The following INPP4B variants were observed in gnomAD, a reference collection of about 807,000 sequenced individuals.
INPP4B encodes inositol polyphosphate-4-phosphatase type II B, also known as inositol polyphosphate 4-phosphatase type II.
INPP4B carries 55 observed loss-of-function variants against 122.5 expected under a neutral mutation model. That is an observed-to-expected ratio of 0.45 (90% CI 0.36 to 0.56). The LOEUF (loss-of-function observed/expected upper bound fraction) is 0.56, where lower values mean the gene tolerates loss of function less well. Among genes scored for constraint, INPP4B ranks in the 20% least tolerant of loss-of-function variants. INPP4B has a pLI of 0.00. For synonymous variants in INPP4B, 403 were observed against 388.7 expected, an observed-to-expected ratio of 1.04 and a Z score of -0.43; for missense variants, 1,000 against 1,097.7, an observed-to-expected ratio of 0.91 and a Z score of 1.26.
At chr4:142,108,795 G>C (rs1039539261) in intron 22 of INPP4B, among the ~76,000 whole-genome samples, 2 of 152,102 alleles carry the variant, frequency 1.3e-5, no homozygotes, top group Admixed American at 1.3e-4. Flanking sequence ...CTGTCTACCA[G>C]TGTGTCACTA....
intron 23 of INPP4B, among the ~76,000 whole-genome samples, chr4:142,098,904 G>A (rs1783264569): frequency 6.6e-6 from 1 of 152,044 alleles, no homozygotes; most frequent in South Asian, 2.1e-4. Flanking sequence ...AGACATGCAT[G>A]GACTGAATCC....
At chr4:142,814,414 G>A (rs531953892) in intron 1 of INPP4B, among the ~76,000 whole-genome samples, 3 of 152,182 alleles carry the variant, frequency 2.0e-5, no homozygotes, top group Middle Eastern at 3.4e-3. Context: ...TCTTGAGACA[G>A]TATAAATTAA....
chr4:142,254,991 C>T (rs1167575843), intron 11 of INPP4B, among the ~76,000 whole-genome samples: 1 of 152,164 alleles, frequency 6.6e-6, no homozygotes, highest in East Asian at 1.9e-4. Context: ...GCCCATCAGA[C>T]TAACAGCGGC....
At chr4:142,393,935 C>T (rs1428573707) in intron 7 of INPP4B, among the ~76,000 whole-genome samples, 1 of 152,242 alleles carries the variant, frequency 6.6e-6, no homozygotes, top group Non-Finnish European at 1.5e-5. Flanking sequence ...GATTCTGAAT[C>T]TTTCATTGCT....
chr4:142,686,004 G>A (rs1057007334), intron 2 of INPP4B, among the ~76,000 whole-genome samples: 4 of 151,984 alleles, frequency 2.6e-5, no homozygotes, highest in East Asian at 1.9e-4. Flanking sequence ...CAGAAGCCTC[G>A]CTTTGAATTC....
At chr4:142,299,325 C>T (rs969927570) in intron 9 of INPP4B, among the ~76,000 whole-genome samples, 2 of 150,458 alleles carry the variant, frequency 1.3e-5, no homozygotes, top group African/African-American at 5.0e-5. Context: ...TCACACCCAG[C>T]TAATTTTTGT....
At chr4:142,735,462 T>C (rs1003202812) in intron 1 of INPP4B, among the ~76,000 whole-genome samples, 2 of 152,204 alleles carry the variant, frequency 1.3e-5, no homozygotes, top group Admixed American at 1.3e-4. Context: ...TGTTCTAAGT[T>C]ACTGTCTTGC....
At chr4:142,773,883 G>A (rs946613060) in intron 1 of INPP4B, among the ~76,000 whole-genome samples, 14 of 152,150 alleles carry the variant, frequency 9.2e-5, no homozygotes, top group African/African-American at 1.9e-4. Flanking sequence ...TGTTCCCATG[G>A]ATAACAGTAG....
At chr4:142,744,272 G>A (rs1325635246) in intron 1 of INPP4B, among the ~76,000 whole-genome samples, 1 of 151,792 alleles carries the variant, frequency 6.6e-6, no homozygotes, top group African/African-American at 2.4e-5. Flanking sequence ...GCAATCTGAA[G>A]GATAAAGGCA....
chr4:142,399,424 T>A (rs557171615), intron 7 of INPP4B, among the ~76,000 whole-genome samples: 35 of 152,116 alleles, frequency 2.3e-4, no homozygotes, highest in African/African-American at 8.2e-4. Flanking sequence ...CTCAATCTCT[T>A]GACCTCATGA....
intron 7 of INPP4B, among the ~76,000 whole-genome samples, chr4:142,345,568 C>T (rs1279976781): frequency 6.6e-6 from 1 of 151,956 alleles, no homozygotes; most frequent in Admixed American, 6.6e-5. Flanking sequence ...CACATGGACA[C>T]AAGCACATAC....
At chr4:142,161,678 G>C (rs78291498) in intron 16 of INPP4B, among the ~76,000 whole-genome samples, 1 of 151,718 alleles carries the variant, frequency 6.6e-6, no homozygotes, top group South Asian at 2.1e-4. Flanking sequence ...AAATCTTCTC[G>C]TTGACAGCAT....
At chr4:142,404,184 A>G (rs925710626) in intron 6 of INPP4B, among the ~76,000 whole-genome samples, 4 of 152,218 alleles carry the variant, frequency 2.6e-5, no homozygotes, top group African/African-American at 9.6e-5. Flanking sequence ...TAAAGTTTCC[A>G]AAGGGCATAT....
At chr4:142,411,148 AC>A (rs2149243827) in intron 5 of INPP4B, among the ~76,000 whole-genome samples, 1 of 152,332 alleles carries the variant, frequency 6.6e-6, no homozygotes, top group East Asian at 1.9e-4. Flanking sequence ...TGAGAAACTT[AC>A]AATGGAGAAA....
chr4:142,223,192 G>GCA (rs147785040), intron 12 of INPP4B, among the ~76,000 whole-genome samples: 2,256 of 146,990 alleles, frequency 0.015, 55 homozygotes, highest in East Asian at 0.066. Flanking sequence ...ATATGTGCAT[G>GCA]CACACACACA....
At chr4:142,127,200 T>A (rs1393629654) in intron 18 of INPP4B, among the ~76,000 whole-genome samples, 1 of 152,190 alleles carries the variant, frequency 6.6e-6, no homozygotes, top group African/African-American at 2.4e-5. Context: ...TGTTTAAGCA[T>A]CTTGCATGGT....
At chr4:142,261,128 C>T (rs866064370) in intron 10 of INPP4B, among the ~76,000 whole-genome samples, 22 of 152,278 alleles carry the variant, frequency 1.4e-4, no homozygotes, top group Middle Eastern at 6.8e-3. Context: ...CTGACCTTTA[C>T]AGTACTGTCA....
chr4:142,270,638 T>C (rs775720995), intron 10 of INPP4B, 25 bp downstream of exon 10: 2 of 1,399,374 alleles, frequency 1.4e-6, no homozygotes. Flanking sequence ...ATTTAATTTG[T>C]ACAATGAGCA....
At chr4:142,554,507 T>C (rs1046959942) in intron 2 of INPP4B, among the ~76,000 whole-genome samples, 3 of 152,146 alleles carry the variant, frequency 2.0e-5, no homozygotes, top group Admixed American at 6.5e-5. Flanking sequence ...TTAAACCTTT[T>C]AGTGGATTTC....
Sources: gnomAD v4.1 joint callset for allele counts (sites outside exome capture counted in the v4.1 genomes callset) on GRCh38, gnomAD v4.1.1 for gene constraint, MANE v1.5 for transcripts, NCBI Gene and HGNC (gene_info 2026-07-23, HGNC 2026-07-21) for gene names.